IL10RB: variants seen among roughly 807,000 people sequenced by gnomAD.
IL10RB encodes interleukin-10 receptor subunit beta.
IL10RB carries 30 observed loss-of-function variants against 38.7 expected under a neutral mutation model. That is an observed-to-expected ratio of 0.78 (90% CI 0.58 to 1.05). The LOEUF (loss-of-function observed/expected upper bound fraction) is 1.05, where lower values mean the gene tolerates loss of function less well. Ranked by LOEUF, IL10RB falls within the 50% of genes least tolerant of loss-of-function variation. IL10RB has a pLI of 0.00. For missense variants in IL10RB, 328 were observed against 397.1 expected (o/e 0.83, Z 1.48); for synonymous variants, 142 against 145.9 (o/e 0.97, Z 0.19).
rs1327225511 is a variant in IL10RB at position 33,288,196 on chromosome 21, T to C, written c.739T>C (p.Cys247Arg). The C allele has an allele frequency of 1.2e-6, 2 of 1,614,020 alleles. No homozygotes were observed. The highest frequency in any genetic ancestry group is 1.7e-5 in the Admixed American group (1 of 60,006). Residue 247 changes from cysteine (C) to arginine (R), a missense_variant, in exon 6 of 7, where the codon TGC becomes CGC. By Grantham distance (180) the Cys-to-Arg change is radical. Coordinates refer to ENST00000290200, the MANE Select transcript of IL10RB (RefSeq NM_000628.5). ...CCTCGGCTGCTTCGCCTTGCTGTGG[T>C]GCGTTTACAAGAAGACAAAGTACGC... ...ALLGCFALLW[C>R]VYKKTKYAFS... is the part of the protein sequence containing the mutation.
At position 33,288,281 on chromosome 21, in the gene IL10RB, A is replaced by T. The variant is rs1382145265; in HGVS notation, c.804+20A>T. ...AAAGAGGTAGGTAGGATGGAGTGAG[A>T]TGTGGATTTGAAAACCTTGATCGGA... is the stretch of plus-strand genomic sequence containing the variant. On this transcript the variant is annotated intron_variant, in intron 6 of 6. Coordinates refer to ENST00000290200, the MANE Select transcript of IL10RB (RefSeq NM_000628.5). 1 of 1,610,872 alleles carries T rather than the reference A, an allele frequency of 6.2e-7. No homozygotes were observed. Among genetic ancestry groups the T allele is most frequent in the East Asian group, 2.2e-5 (1 of 44,856 alleles).
chr21:33,288,663 G>A (rs1029505013), intron 6 of IL10RB, among the ~76,000 whole-genome samples: 3 of 152,294 alleles, frequency 2.0e-5, no homozygotes, highest in Non-Finnish European at 4.4e-5. Context: ...CAGAGGGAGA[G>A]AATGGGAGGA....
At chr21:33,298,320 G>T (rs1257472388), downstream of IL10RB, among the ~76,000 whole-genome samples, 1 of 152,090 alleles carries the variant, frequency 6.6e-6, no homozygotes, top group Non-Finnish European at 1.5e-5. Flanking sequence ...CATGTATATA[G>T]AAATAAAATT....
In IL10RB at chr21:33,282,612, C is replaced by T. The variant is rs28741379; in HGVS notation, c.499-482C>T. Among the ~76,000 whole-genome samples the T allele has an allele frequency of 6.7e-3, 1,027 of 152,212 alleles. 13 individuals are homozygous for T. Among genetic ancestry groups the T allele is most frequent in the Non-Finnish European group, 6.6e-3 (450 of 68,014 alleles). ...TTTCTTTATTTCTGAGACAAAGTCT[C>T]GCTCTGTCACCGAGGCTGGAGTGCA... On this transcript the variant is annotated intron_variant, in intron 4 of 6. Transcript: ENST00000290200.
At chr21:33,284,522 A>G (rs1394979628) in intron 5 of IL10RB, among the ~76,000 whole-genome samples, 4 of 152,146 alleles carry the variant, frequency 2.6e-5, no homozygotes, top group Non-Finnish European at 4.4e-5. Context: ...CCATTTTACA[A>G]ACTAGAACAT....
At chr21:33,284,920 G>T (rs1989346217) in intron 5 of IL10RB, among the ~76,000 whole-genome samples, 1 of 152,072 alleles carries the variant, frequency 6.6e-6, no homozygotes, top group African/African-American at 2.4e-5. Context: ...TTTTTGGATG[G>T]AGTCTCACTC....
chr21:33,285,731 G>A (rs8178511), intron 5 of IL10RB, among the ~76,000 whole-genome samples: 49 of 152,136 alleles, frequency 3.2e-4, no homozygotes, highest in African/African-American at 1.1e-3. Flanking sequence ...GTCTCCGGGC[G>A]CCAAATTAGA....
chr21:33,266,872 C>T (rs1338196159), intron 1 of IL10RB, among the ~76,000 whole-genome samples: 1 of 152,144 alleles, frequency 6.6e-6, no homozygotes, highest in Non-Finnish European at 1.5e-5. Context: ...TCATCTGACC[C>T]TTCTGGAGAC....
intron 2 of IL10RB, among the ~76,000 whole-genome samples, chr21:33,269,459 C>T (rs1460232490): frequency 6.6e-6 from 1 of 152,220 alleles, no homozygotes; most frequent in Non-Finnish European, 1.5e-5. Context: ...ATCCAGCTGT[C>T]ATTTCACAAA....
downstream of IL10RB, among the ~76,000 whole-genome samples, chr21:33,299,128 C>CTGCACAAGGAAG (rs1378534858): frequency 6.6e-6 from 1 of 152,154 alleles, no homozygotes; most frequent in Non-Finnish European, 1.5e-5. Flanking sequence ...ACTCGCACCC[C>CTGCACAAGGAAG]CTCCCTCTGC....
At chr21:33,304,485 C>T (rs1396323560) in intron 1 of IL10RB, among the ~76,000 whole-genome samples, 2 of 152,218 alleles carry the variant, frequency 1.3e-5, no homozygotes, top group East Asian at 3.8e-4. Context: ...ACACACCGTC[C>T]CTCAAGGTGC....
intron 1 of IL10RB, 49 bp from the exon 2 acceptor site, chr21:33,268,345 A>G: frequency 6.2e-7 from 1 of 1,613,168 alleles, no homozygotes; most frequent in South Asian, 1.1e-5. Flanking sequence ...TTTCATGGGC[A>G]TCTGTTTTGA....
intron 2 of IL10RB, among the ~76,000 whole-genome samples, chr21:33,269,753 G>T (rs1035496791): frequency 6.6e-6 from 1 of 151,520 alleles, no homozygotes; most frequent in Non-Finnish European, 1.5e-5. Context: ...CTGCCTCTCG[G>T]GTTCACGCCA....
intron 1 of IL10RB, among the ~76,000 whole-genome samples, chr21:33,306,855 G>T (rs374792031): frequency 3.3e-5 from 5 of 152,178 alleles, no homozygotes; most frequent in African/African-American, 1.2e-4. Flanking sequence ...TAAAAACAAT[G>T]ATTTAGTGTG....
chr21:33,296,317 G>C lies in IL10RB; in HGVS notation c.938G>C (p.Cys313Ser). Residue 313 changes from cysteine (C) to serine (S), a missense_variant, in exon 7 of 7, where the codon TGC becomes TCC. Physicochemically the swap from Cys to Ser is moderately radical, Grantham distance 112. Coordinates refer to ENST00000290200, the MANE Select transcript of IL10RB (RefSeq NM_000628.5). The part of the protein sequence containing the change: ...ESGKQNPGDS[C>S]SLGTPPGQGP... Reference sequence around the variant, plus strand: ...GGCAAGCAGAATCCTGGTGACAGCTGCAGCCTCGGGACCCCGCCTGGGCAG... The same window carrying C: ...GGCAAGCAGAATCCTGGTGACAGCTCCAGCCTCGGGACCCCGCCTGGGCAG... The C allele has an allele frequency of 6.2e-7, 1 of 1,613,996 alleles. No individual in the cohort carries two copies. Among genetic ancestry groups the C allele is most frequent in the Non-Finnish European group, 8.5e-7 (1 of 1,179,982 alleles).
downstream of IL10RB, among the ~76,000 whole-genome samples, chr21:33,297,682 A>T (rs1601840239): frequency 6.6e-6 from 1 of 152,090 alleles, no homozygotes; most frequent in African/African-American, 2.4e-5. Flanking sequence ...GCATGGTGGC[A>T]TGTGTCTGTA....
intron 5 of IL10RB, 37 bp downstream of exon 5, chr21:33,283,278 A>T: frequency 1.2e-6 from 2 of 1,606,728 alleles, no homozygotes; most frequent in Non-Finnish European, 1.7e-6. Flanking sequence ...AGCATCCTAA[A>T]CAGCTTTATA....
intron 1 of IL10RB, among the ~76,000 whole-genome samples, chr21:33,304,627 G>C (rs764706913): frequency 2.0e-5 from 3 of 152,258 alleles, no homozygotes; most frequent in Middle Eastern, 3.4e-3. Context: ...TTGAGCATGC[G>C]CACTCTCCTG....
At chr21:33,281,645 C>T (rs8178497) in intron 4 of IL10RB, among the ~76,000 whole-genome samples, 2,460 of 152,222 alleles carry the variant, frequency 0.016, 30 homozygotes, top group Non-Finnish European at 0.026. Context: ...AGCAGCGGTG[C>T]GATCTCAGCT....
Sources: gnomAD v4.1 joint callset for allele counts (sites outside exome capture counted in the v4.1 genomes callset) on GRCh38, gnomAD v4.1.1 for gene constraint, MANE v1.5 for transcripts, NCBI Gene and HGNC (gene_info 2026-07-23, HGNC 2026-07-21) for gene names.